The following RSF1 variants were observed in gnomAD, a reference collection of about 807,000 sequenced individuals.
RSF1 encodes the protein remodeling and spacing factor 1, also known as HBV pX-associated protein 8.
RSF1 carries 13 observed loss-of-function variants against 145.2 expected under a neutral mutation model. The observed-to-expected ratio is 0.09, with a 90% CI of 0.06 to 0.14. RSF1 has a LOEUF of 0.14. RSF1 is among the 10% of genes least tolerant of loss of function. The pLI is 1.00. For synonymous variants in RSF1, 577 were observed against 592.6 expected, an observed-to-expected ratio of 0.97 and a Z score of 0.38; for missense variants, 1,517 against 1,718.2, an observed-to-expected ratio of 0.88 and a Z score of 2.07.
At chr11:77,869,091 A>T in the RSF1 span, 1 of 279,844 alleles carries the variant, frequency 3.6e-6, no homozygotes, top group Non-Finnish European at 6.9e-6. Flanking sequence ...CACCTGTCTC[A>T]TAGATTCACA....
intron 1 of RSF1, among the ~76,000 whole-genome samples, chr11:77,808,683 G>A (rs919102366): frequency 7.4e-6 from 1 of 135,266 alleles, no homozygotes; most frequent in Non-Finnish European, 1.5e-5. Flanking sequence ...ACAGGCGCCC[G>A]CCACTACGCC....
the RSF1 span, chr11:77,829,668 TA>T: frequency 6.6e-6 from 1 of 152,138 alleles, no homozygotes; most frequent in Non-Finnish European, 1.5e-5. Context: ...AAAACAAGGG[TA>T]AATCTTTAAG....
Position 77,685,163 on chromosome 11 carries a change from T to TA in RSF1, c.2901-5dup, listed in dbSNP as rs1959969896. ...AACATACACCAAGCGTTCTTTTCTTTAGGTGAAAAACAAACAAAATACATG... is the reference window on the plus strand; with the variant it reads ...AACATACACCAAGCGTTCTTTTCTTTAAGGTGAAAAACAAACAAAATACATG... On this transcript the variant is annotated splice_region_variant and splice_polypyrimidine_tract_variant and intron_variant, in intron 9 of 15. Transcript: ENST00000308488. The TA allele has an allele frequency of 1.3e-6, 2 of 1,542,586 alleles. No homozygotes were observed. The highest frequency in any genetic ancestry group is 2.8e-5 in the African/African-American group (2 of 72,042).
At chr11:77,759,370 G>A (rs1948147932) in intron 2 of RSF1, among the ~76,000 whole-genome samples, 1 of 151,876 alleles carries the variant, frequency 6.6e-6, no homozygotes, top group Non-Finnish European at 1.5e-5. Flanking sequence ...ATTTTAGCTT[G>A]GCATTGTAAA....
At chr11:77,773,131 C>T (rs1246355622) in intron 1 of RSF1, among the ~76,000 whole-genome samples, 1 of 152,180 alleles carries the variant, frequency 6.6e-6, no homozygotes, top group East Asian at 1.9e-4. Context: ...CCAATCCATT[C>T]TTCCTTTCTT....
chr11:77,733,761 C>T (rs1480171504), intron 4 of RSF1, among the ~76,000 whole-genome samples: 1 of 152,120 alleles, frequency 6.6e-6, no homozygotes, highest in East Asian at 1.9e-4. Context: ...AGGGTTTCAT[C>T]AAGTTGCCTA....
chr11:77,794,515 T>C (rs1284488566), intron 1 of RSF1, among the ~76,000 whole-genome samples: 1 of 151,822 alleles, frequency 6.6e-6, no homozygotes, highest in East Asian at 1.9e-4. Context: ...AAACCCTGTC[T>C]ATAAATAAAA....
rs556024563 is a variant in RSF1, at chr11:77,682,951, AG to A, written c.3065+758del. On this transcript the variant is annotated intron_variant, in intron 11 of 15. Transcript: ENST00000308488. ...AGAATGTGATAAGATAGAGTTGGAG[AG>A]GGAAGTAGAGATGAGACTATGCAGT... 9.8e-5 allele frequency among the ~76,000 whole-genome samples: 15 copies of A among 152,300 alleles called. No homozygotes were observed. In the East Asian group the frequency reaches 1.9e-3, roughly 20 times the overall value.
At chr11:77,854,545 C>T in the RSF1 span, among the ~76,000 whole-genome samples, 5 of 152,250 alleles carry the variant, frequency 3.3e-5, no homozygotes. Context: ...ACTTAAAACT[C>T]CAAAATAATA....
chr11:77,806,191 T>C (rs1948675365), intron 1 of RSF1, among the ~76,000 whole-genome samples: 1 of 151,422 alleles, frequency 6.6e-6, no homozygotes. Context: ...GAAGATCATA[T>C]AAATCCATTC....
chr11:77,847,404 C>A, the RSF1 span, among the ~76,000 whole-genome samples: 4 of 152,134 alleles, frequency 2.6e-5, no homozygotes, highest in African/African-American at 9.7e-5. Context: ...AAATTAGGCC[C>A]CACATAGAAA....
At chr11:77,704,867 C>A (rs139735861) in intron 5 of RSF1, among the ~76,000 whole-genome samples, 99 of 151,922 alleles carry the variant, frequency 6.5e-4, no homozygotes, top group Non-Finnish European at 7.4e-5. Context: ...ATTCTCTTGC[C>A]TCAGCCTCCC....
At chr11:77,871,489 C>T in the RSF1 span, among the ~76,000 whole-genome samples, 2 of 152,140 alleles carry the variant, frequency 1.3e-5, no homozygotes, top group Non-Finnish European at 2.9e-5. Flanking sequence ...ATAATAAACG[C>T]AGTGAGGAAA....
chr11:77,663,817 G>A lies in RSF1; in HGVS notation c.*3100C>T, dbSNP rs921195527. 5.3e-5 allele frequency: 8 copies of A among 152,118 alleles called. No individual in the cohort carries two copies. The highest frequency in any genetic ancestry group is 1.9e-4 in the African/African-American group (8 of 41,424). 9.4% of individuals were successfully genotyped at this position (152,118 alleles called of 1,614,324 possible). A position where few individuals can be genotyped will look rare whatever the true frequency, so the allele number is the denominator to read the frequency against. On this transcript the variant is annotated 3_prime_UTR_variant, in exon 16 of 16. Transcript: ENST00000308488. Reference sequence around the variant, plus strand: ...GCTGACTAGTTTTCAAACCTTTTCAGAAATTGCAAACTAAATATACTGAAT... The same window carrying A: ...GCTGACTAGTTTTCAAACCTTTTCAAAAATTGCAAACTAAATATACTGAAT...
chr11:77,841,152 C>T, the RSF1 span: 1 of 699,862 alleles, frequency 1.4e-6, no homozygotes, highest in Non-Finnish European at 2.6e-6. Flanking sequence ...TTATAATGAA[C>T]CTACTACTCC....
chr11:77,785,702 A>G (rs1423229862), intron 1 of RSF1, among the ~76,000 whole-genome samples: 1 of 151,988 alleles, frequency 6.6e-6, no homozygotes, highest in Admixed American at 6.6e-5. Context: ...CTGTAATCCC[A>G]GCACTCTGGG....
chr11:77,824,655 A>C (rs1227715120), upstream of RSF1, among the ~76,000 whole-genome samples: 1 of 152,212 alleles, frequency 6.6e-6, no homozygotes, highest in Admixed American at 6.5e-5. Context: ...CATCAATATG[A>C]AGGTCAAAAC....
chr11:77,702,028 C>T lies in RSF1; in HGVS notation c.1201G>A (p.Gly401Arg), dbSNP rs1351725579. The T allele has an allele frequency of 6.2e-7, 1 of 1,613,730 alleles. No homozygotes were observed. The highest frequency in any genetic ancestry group is 8.5e-7 in the Non-Finnish European group (1 of 1,179,900). ...LSDDFDSPVK[G>R]PLCKSVTPTK... ...GGAGTAACTGATTTACACAAAGGTC[C>T]CTTGACTGGACTGTCAAAATCATCA... Residue 401 changes from glycine (G) to arginine (R), a missense_variant, in exon 6 of 16, where the codon GGA becomes AGA. Physicochemically the swap from Gly to Arg is moderately radical, Grantham distance 125. Transcript: ENST00000308488.
At chr11:77,767,609 A>G (rs1565174523) in intron 1 of RSF1, among the ~76,000 whole-genome samples, 1 of 152,172 alleles carries the variant, frequency 6.6e-6, no homozygotes, top group Admixed American at 6.5e-5. Flanking sequence ...TGTGGGCTTT[A>G]TTAAAGAGTT....
Sources: gnomAD v4.1 joint callset for allele counts (sites outside exome capture counted in the v4.1 genomes callset) on GRCh38, gnomAD v4.1.1 for gene constraint, MANE v1.5 for transcripts, NCBI Gene and HGNC (gene_info 2026-07-23, HGNC 2026-07-21) for gene names.